The following GXYLT2 variants were observed in gnomAD, a reference collection of about 807,000 sequenced individuals.
The protein encoded by GXYLT2 is glycosyltransferase 8 domain containing 4.
A neutral mutation model predicts 45.8 loss-of-function variants in GXYLT2; 53 were observed. That is an observed-to-expected ratio of 1.16 (90% CI 0.93 to 1.46). The LOEUF (loss-of-function observed/expected upper bound fraction) is 1.46. Among genes scored for constraint, GXYLT2 ranks in the 40% most tolerant of loss-of-function variants. The pLI is 0.00. For missense variants in GXYLT2, 551 were observed against 544.4 expected (o/e 1.01, Z -0.12); for synonymous variants, 219 against 214.2 (o/e 1.02, Z -0.19).
chr3:72,922,142 G>T, intron 2 of GXYLT2, 62 bp from the exon 3 acceptor site: 3 of 1,494,522 alleles, frequency 2.0e-6, no homozygotes, highest in Non-Finnish European at 1.8e-6. Context: ...CAGAAGCTTC[G>T]CAGGCATTTT....
intron 1 of GXYLT2, among the ~76,000 whole-genome samples, chr3:72,894,264 T>C (rs1365732542): frequency 6.6e-6 from 1 of 152,054 alleles, no homozygotes; most frequent in Non-Finnish European, 1.5e-5. Context: ...TGTGTTGGAG[T>C]TGAGGGTTCT....
At chr3:72,935,891 A>G (rs963054957) in intron 3 of GXYLT2, among the ~76,000 whole-genome samples, 2 of 152,192 alleles carry the variant, frequency 1.3e-5, no homozygotes, top group African/African-American at 4.8e-5. Context: ...TACATTAAGA[A>G]ATATGAAGAT....
rs765172917 is a variant in GXYLT2 at position 72,943,836 on chromosome 3, C to A, written c.601-11262C>A. Among the ~76,000 whole-genome samples the A allele has an allele frequency of 1.6e-4, 25 of 151,706 alleles. 1 individual carries two copies. In the South Asian group the frequency reaches 3.3e-3, roughly 20 times the overall value. On this transcript the variant is annotated intron_variant, in intron 3 of 6. Transcript: ENST00000389617. ...AAACTAGTGTCTGTATTGCTTGCAC[C>A]TTTCCATTGAGAGCATCATTTTTTT...
intron 2 of GXYLT2, among the ~76,000 whole-genome samples, chr3:72,908,890 A>G (rs2107080934): frequency 6.6e-6 from 1 of 151,930 alleles, no homozygotes; most frequent in Non-Finnish European, 1.5e-5. Flanking sequence ...GGCATGCACC[A>G]CCATGTCTGG....
intron 5 of GXYLT2, among the ~76,000 whole-genome samples, chr3:72,961,171 C>T (rs992691440): frequency 6.6e-6 from 1 of 152,068 alleles, no homozygotes; most frequent in South Asian, 2.1e-4. Context: ...GGTGAGCCAA[C>T]GCAGCTTCAT....
intron 3 of GXYLT2, among the ~76,000 whole-genome samples, chr3:72,931,160 C>G (rs1302998275): frequency 6.6e-6 from 1 of 152,100 alleles, no homozygotes; most frequent in Non-Finnish European, 1.5e-5. Flanking sequence ...AAGTCAATAA[C>G]AGAAAGAAAT....
intron 2 of GXYLT2, among the ~76,000 whole-genome samples, chr3:72,911,477 G>T (rs918111589): frequency 6.6e-6 from 1 of 152,146 alleles, no homozygotes; most frequent in African/African-American, 2.4e-5. Flanking sequence ...GGGATGGTAT[G>T]TCACTTCTGA....
intron 5 of GXYLT2, among the ~76,000 whole-genome samples, chr3:72,960,784 C>A (rs957284812): frequency 6.6e-6 from 1 of 152,110 alleles, no homozygotes; most frequent in Non-Finnish European, 1.5e-5. Context: ...TTCCACAAAC[C>A]AGAACAAACT....
intron 6 of GXYLT2, among the ~76,000 whole-genome samples, chr3:72,972,551 G>T (rs571008542): frequency 6.9e-6 from 1 of 145,290 alleles, no homozygotes; most frequent in South Asian, 2.2e-4. Flanking sequence ...TGAGGCAGGA[G>T]AATTTCTTGA....
chr3:72,900,562 C>T (rs1392995845), intron 1 of GXYLT2, among the ~76,000 whole-genome samples: 1 of 152,002 alleles, frequency 6.6e-6, no homozygotes, highest in Non-Finnish European at 1.5e-5. Context: ...TTACAAGCAC[C>T]CGCAACCACA....
chr3:72,908,056 C>T (rs1709543410), intron 1 of GXYLT2: 1 of 238,194 alleles, frequency 4.2e-6, no homozygotes, highest in Non-Finnish European at 8.1e-6. Context: ...CGAAGTTTAG[C>T]AATACTATTT....
chr3:72,946,630 A>C (rs1253199756), intron 3 of GXYLT2, among the ~76,000 whole-genome samples: 1 of 152,108 alleles, frequency 6.6e-6, no homozygotes, highest in Non-Finnish European at 1.5e-5. Context: ...GAGCTCTCCG[A>C]GGCCTTCTTT....
intron 1 of GXYLT2, among the ~76,000 whole-genome samples, chr3:72,903,005 C>T (rs1709436756): frequency 6.6e-6 from 1 of 152,050 alleles, no homozygotes; most frequent in Non-Finnish European, 1.5e-5. Flanking sequence ...GGGTGAGACT[C>T]CGTCTCAAAA....
intron 1 of GXYLT2, among the ~76,000 whole-genome samples, chr3:72,901,933 G>A (rs13071878): frequency 0.29 from 43,733 of 151,894 alleles, 6,699 homozygotes; most frequent in Non-Finnish European, 0.34. Flanking sequence ...CATAAAATAT[G>A]TGGCTTTTTA....
Position 72,975,089 on chromosome 3 carries a change from T to G in GXYLT2, c.1262T>G (p.Ile421Ser). The G allele has an allele frequency of 6.2e-7, 1 of 1,613,768 alleles. No individual in the cohort carries two copies. Among genetic ancestry groups the G allele is most frequent in the Non-Finnish European group, 8.5e-7 (1 of 1,179,786 alleles). Residue 421 changes from isoleucine to serine, a missense_variant, in exon 7 of 7, where the codon ATT becomes AGT. Transcript: ENST00000389617. ...GRIPQVFLKQ[I>S]EKTMKRAYEK... is the part of the protein sequence containing the mutation. ...ATCCCGCAAGTTTTTCTGAAGCAAA[T>G]TGAGAAAACAATGAAAAGGGCTTAT...
chr3:72,913,462 A>G (rs143748303), intron 2 of GXYLT2, among the ~76,000 whole-genome samples: 6,092 of 151,986 alleles, frequency 0.04, 232 homozygotes, highest in African/African-American at 0.096. Flanking sequence ...TGGGAGGCCA[A>G]GGCCAGTGGA....
intron 1 of GXYLT2, among the ~76,000 whole-genome samples, chr3:72,891,184 C>T (rs55734003): frequency 0.011 from 1,608 of 152,120 alleles, 29 homozygotes; most frequent in African/African-American, 0.037. Flanking sequence ...GGCTAGAATC[C>T]AGAAGAGATG....
chr3:72,947,089 C>T (rs1016118561), intron 3 of GXYLT2, among the ~76,000 whole-genome samples: 3 of 152,046 alleles, frequency 2.0e-5, no homozygotes, highest in Non-Finnish European at 2.9e-5. Context: ...TGGCCTCAAG[C>T]GATCCTCCCA....
chr3:72,957,207 C>G (rs776029902), intron 4 of GXYLT2, 22 bp from the exon 5 acceptor site: 20 of 1,599,900 alleles, frequency 1.3e-5, no homozygotes, highest in Non-Finnish European at 1.4e-5. Flanking sequence ...TTCAGCTGTT[C>G]TGATGGTTTT....
Sources: allele counts gnomAD v4.1 joint callset (sites outside exome capture counted in the v4.1 genomes callset), GRCh38; gene constraint gnomAD v4.1.1; transcripts MANE v1.5; gene names NCBI Gene and HGNC (gene_info 2026-07-23, HGNC 2026-07-21).